MACROD2: variants seen among roughly 807,000 people sequenced by gnomAD.
The protein encoded by MACROD2 is mono-ADP ribosylhydrolase 2, also known as ADP-ribose glycohydrolase MACROD2.
A neutral mutation model predicts 70.4 loss-of-function variants in MACROD2; 36 were observed. The observed-to-expected ratio is 0.51, with a 90% confidence interval of 0.39 to 0.68. The LOEUF is 0.68. Ranked by LOEUF, MACROD2 falls within the 30% of genes least tolerant of loss-of-function variation. The pLI is 0.00. For synonymous variants in MACROD2, 172 were observed against 178.8 expected (o/e 0.96, Z 0.30); for missense variants, 496 against 538.4 (o/e 0.92, Z 0.78).
chr20:14,475,660 G>A (rs1317096918), intron 3 of MACROD2, among the ~76,000 whole-genome samples: 1 of 151,898 alleles, frequency 6.6e-6, no homozygotes, highest in Non-Finnish European at 1.5e-5. Flanking sequence ...AAGCTTTGGT[G>A]GATACAGTAT....
In MACROD2 at chr20:15,719,885, A is replaced by G. The variant is rs1335640263; in HGVS notation, c.646-142860A>G. Among the ~76,000 whole-genome samples the G allele has an allele frequency of 2.6e-5, 4 of 152,076 alleles. 1 individual carries two copies. The South Asian group carries it at 8.4e-4, about 32-fold the overall frequency. On this transcript the variant is annotated intron_variant, in intron 8 of 17. Coordinates refer to ENST00000684519, the MANE Select transcript of MACROD2 (RefSeq NM_001351661.2). ...CAGTCACTCTACTGTACAATGGGAC[A>G]TCACTACTTACTCTTTTTTTCTAAT...
intron 12 of MACROD2, among the ~76,000 whole-genome samples, chr20:15,947,894 C>G (rs1303458118): frequency 6.6e-6 from 1 of 152,096 alleles, no homozygotes; most frequent in Non-Finnish European, 1.5e-5. Flanking sequence ...GAGATAGAAC[C>G]TATCATAGAA....
chr20:16,040,357 G>GTAAATTTAATAATAAAAAAA (rs1242332298), intron 15 of MACROD2, among the ~76,000 whole-genome samples: 1 of 151,826 alleles, frequency 6.6e-6, no homozygotes, highest in African/African-American at 2.4e-5. Flanking sequence ...AAGTAATCAG[G>GTAAATTTAATAATAAAAAAA]TAATGAAAAT....
intron 5 of MACROD2, among the ~76,000 whole-genome samples, chr20:15,036,250 A>G (rs2075312146): frequency 6.6e-6 from 1 of 152,196 alleles, no homozygotes; most frequent in African/African-American, 2.4e-5. Context: ...ATCTCTGGAA[A>G]GAACACTTGT....
chr20:14,457,324 A>T (rs1336758782), intron 3 of MACROD2, among the ~76,000 whole-genome samples: 2 of 152,082 alleles, frequency 1.3e-5, no homozygotes, highest in Non-Finnish European at 2.9e-5. Context: ...TACAGCTTTC[A>T]AAGGTTACTT....
chr20:14,716,237 G>T (rs1027391214), intron 5 of MACROD2, among the ~76,000 whole-genome samples: 1 of 152,138 alleles, frequency 6.6e-6, no homozygotes, highest in African/African-American at 2.4e-5. Context: ...TGAGGTGGCA[G>T]TTGTCTTGGG....
intron 6 of MACROD2, among the ~76,000 whole-genome samples, chr20:15,322,134 A>G (rs569276750): frequency 7.0e-6 from 1 of 143,780 alleles, no homozygotes; most frequent in African/African-American, 2.5e-5. Context: ...ATTTATTCTA[A>G]TTGTTAGTGT....
At chr20:15,097,059 G>A (rs147142454) in intron 5 of MACROD2, among the ~76,000 whole-genome samples, 5 of 152,050 alleles carry the variant, frequency 3.3e-5, no homozygotes, top group Admixed American at 2.0e-4. Context: ...TGATCTGCCC[G>A]CCTCGGCCTC....
In MACROD2 at chr20:16,041,209, G is replaced by A. The variant is rs377146445; in HGVS notation, c.1162G>A (p.Glu388Lys). Residue 388 changes from glutamate (E) to lysine (K), a missense_variant, in exon 16 of 18, where the codon GAG (glutamate) becomes AAG (lysine). Glu to Lys is a moderately conservative substitution (Grantham distance 56, BLOSUM62 1). Transcript: ENST00000684519. ...EEKEGEKAPGEDTPRMPGKSE... is the reference protein window; with the variant it reads ...EEKEGEKAPGKDTPRMPGKSE... ...GTCTTTTTCTCTTCCAGCTCCAGGC[G>A]AGGACACACCTAGGATGCCTGGGAA... 2.3e-5 allele frequency: 37 copies of A among 1,611,412 alleles called. No homozygotes were observed. Among genetic ancestry groups the A allele is most frequent in the East Asian group, 4.5e-5 (2 of 44,740 alleles).
rs138934610 is a variant in MACROD2, at chr20:15,807,187, C to G, written c.646-55558C>G. On this transcript the variant is annotated intron_variant, in intron 8 of 17. Transcript: ENST00000684519. ...TGGAGAATCCAGCTGATTACACTGA[C>G]TTCCACCAATAACCAAGCTCCAACT... 3.6e-3 allele frequency among the ~76,000 whole-genome samples: 555 copies of G among 152,340 alleles called. 4 individuals are homozygous for G. Among genetic ancestry groups the G allele is most frequent in the African/African-American group, 0.012 (512 of 41,570 alleles).
At chr20:14,558,042 A>G (rs1184151391) in intron 4 of MACROD2, among the ~76,000 whole-genome samples, 1 of 151,866 alleles carries the variant, frequency 6.6e-6, no homozygotes, top group Non-Finnish European at 1.5e-5. Context: ...CTTAAAAAGG[A>G]ATCAAGTACT....
chr20:14,323,077 C>A (rs1481025147), intron 3 of MACROD2: 2 of 152,142 alleles, frequency 1.3e-5, no homozygotes, highest in Non-Finnish European at 2.9e-5. Flanking sequence ...ACCACGCAAG[C>A]AATCAGTTCT....
chr20:15,433,870 A>G (rs1437386550), intron 7 of MACROD2, among the ~76,000 whole-genome samples: 1 of 152,132 alleles, frequency 6.6e-6, no homozygotes, highest in Admixed American at 6.6e-5. Context: ...AGAACAGAAT[A>G]AAGAATCCAG....
At chr20:15,997,271 T>G (rs943592365) in intron 15 of MACROD2, among the ~76,000 whole-genome samples, 4 of 152,168 alleles carry the variant, frequency 2.6e-5, no homozygotes, top group African/African-American at 9.6e-5. Flanking sequence ...GGGATTACGT[T>G]GAATGTATAG....
chr20:14,059,708 G>A (rs576760505), intron 2 of MACROD2, among the ~76,000 whole-genome samples: 74 of 152,248 alleles, frequency 4.9e-4, no homozygotes, highest in African/African-American at 1.6e-3. Context: ...ATTTTGTCAG[G>A]CATTTGAGAT....
At chr20:15,346,136 G>A (rs931287356) in intron 6 of MACROD2, among the ~76,000 whole-genome samples, 2 of 151,744 alleles carry the variant, frequency 1.3e-5, no homozygotes, top group Non-Finnish European at 1.5e-5. Flanking sequence ...AGGCCACAGT[G>A]CAGTGGCATA....
At chr20:15,982,144 T>G (rs1393737190) in intron 13 of MACROD2, among the ~76,000 whole-genome samples, 1 of 152,184 alleles carries the variant, frequency 6.6e-6, no homozygotes, top group African/African-American at 2.4e-5. Context: ...AGAAAAGGAC[T>G]AGTCCTTAAT....
chr20:15,036,247 G>T (rs2075312123), intron 5 of MACROD2, among the ~76,000 whole-genome samples: 1 of 152,022 alleles, frequency 6.6e-6, no homozygotes, highest in Admixed American at 6.6e-5. Flanking sequence ...GCTATCTCTG[G>T]AAAGAACACT....
intron 4 of MACROD2, among the ~76,000 whole-genome samples, chr20:14,563,727 T>A (rs1356490272): frequency 1.3e-5 from 2 of 151,988 alleles, no homozygotes; most frequent in African/African-American, 4.8e-5. Context: ...AAATAAATTC[T>A]AGTTTTTCAT....
Sources: gnomAD v4.1 joint callset for allele counts (sites outside exome capture counted in the v4.1 genomes callset) on GRCh38, gnomAD v4.1.1 for gene constraint, MANE v1.5 for transcripts, NCBI Gene and HGNC (gene_info 2026-07-23, HGNC 2026-07-21) for gene names.